The following MACROD2 variants were observed in gnomAD, a reference collection of about 807,000 sequenced individuals.
MACROD2 encodes the protein mono-ADP ribosylhydrolase 2.
In MACROD2, 36 loss-of-function variants were observed where a neutral mutation model predicts 70.4. The ratio of observed to expected loss-of-function variants is 0.51; its 90% CI spans 0.39 to 0.68. The LOEUF (loss-of-function observed/expected upper bound fraction) is 0.68, where lower values mean the gene tolerates loss of function less well. MACROD2 is among the 30% of genes least tolerant of loss of function. The pLI, the probability that MACROD2 is intolerant of heterozygous loss-of-function variation, is 0.00. For synonymous variants in MACROD2, 172 were observed against 178.8 expected, an observed-to-expected ratio of 0.96 and a Z score of 0.30; for missense variants, 496 against 538.4, an observed-to-expected ratio of 0.92 and a Z score of 0.78.
At chr20:15,447,088 C>T (rs62193886) in intron 7 of MACROD2, among the ~76,000 whole-genome samples, 3 of 113,298 alleles carry the variant, frequency 2.6e-5, no homozygotes, top group Non-Finnish European at 5.8e-5. Context: ...GTGTGTGTGT[C>T]TGTGTGTTGT....
At chr20:15,939,422 G>C (rs2065717026) in intron 12 of MACROD2, among the ~76,000 whole-genome samples, 2 of 152,048 alleles carry the variant, frequency 1.3e-5, no homozygotes, top group Admixed American at 1.3e-4. Flanking sequence ...CCCCACCTGT[G>C]CTCTGTAAAT....
intron 6 of MACROD2, among the ~76,000 whole-genome samples, chr20:15,311,868 C>T (rs561498364): frequency 1.3e-5 from 2 of 152,198 alleles, no homozygotes; most frequent in Admixed American, 1.3e-4. Context: ...ATTTGTTTCT[C>T]AAACCTCAGC....
intron 5 of MACROD2, among the ~76,000 whole-genome samples, chr20:14,964,138 A>G (rs148513890): frequency 6.8e-4 from 103 of 152,254 alleles, no homozygotes; most frequent in African/African-American, 2.2e-3. Context: ...AAGAATGTCA[A>G]TGAAATATAA....
At chr20:15,728,569 T>C (rs1380683231) in intron 8 of MACROD2, among the ~76,000 whole-genome samples, 5 of 152,206 alleles carry the variant, frequency 3.3e-5, no homozygotes, top group Non-Finnish European at 5.9e-5. Flanking sequence ...ACTGATTCAA[T>C]TTCAGAAGAC....
At chr20:15,577,225 T>A (rs559629311) in intron 8 of MACROD2, among the ~76,000 whole-genome samples, 2 of 151,918 alleles carry the variant, frequency 1.3e-5, no homozygotes, top group African/African-American at 4.8e-5. Flanking sequence ...AAATTTCAAA[T>A]GTATACCAAA....
chr20:15,525,278 C>T (rs2047706774), intron 8 of MACROD2, among the ~76,000 whole-genome samples: 1 of 150,980 alleles, frequency 6.6e-6, no homozygotes, highest in African/African-American at 2.4e-5. Context: ...ACTAGAATCC[C>T]ACTAAGAGCC....
intron 10 of MACROD2, among the ~76,000 whole-genome samples, chr20:15,894,748 A>G (rs915808598): frequency 3.9e-5 from 6 of 152,252 alleles, no homozygotes; most frequent in African/African-American, 1.4e-4. Context: ...GATCATGGCC[A>G]TCGTAGATTA....
chr20:14,736,992 G>A (rs117255733), intron 5 of MACROD2, among the ~76,000 whole-genome samples: 104 of 151,926 alleles, frequency 6.8e-4, no homozygotes, highest in Non-Finnish European at 1.4e-3. Context: ...TCTGGGACAC[G>A]TGTGCAGAAT....
chr20:14,123,980 A>G (rs907405114), intron 3 of MACROD2, among the ~76,000 whole-genome samples: 7 of 151,992 alleles, frequency 4.6e-5, no homozygotes, highest in Non-Finnish European at 1.0e-4. Context: ...TCTTTCATGT[A>G]TGTTTAATTT....
intron 5 of MACROD2, among the ~76,000 whole-genome samples, chr20:14,869,745 T>C (rs978235426): frequency 6.6e-6 from 1 of 152,192 alleles, no homozygotes; most frequent in African/African-American, 2.4e-5. Flanking sequence ...ATCTGCCATT[T>C]GCATAAATAT....
chr20:15,655,393 T>C (rs1034793360), intron 8 of MACROD2, among the ~76,000 whole-genome samples: 1 of 151,598 alleles, frequency 6.6e-6, no homozygotes, highest in Non-Finnish European at 1.5e-5. Flanking sequence ...GTCAGGACAC[T>C]TGGCAAGATA....
At chr20:14,839,762 CT>C (rs548024641) in intron 5 of MACROD2, among the ~76,000 whole-genome samples, 3 of 152,006 alleles carry the variant, frequency 2.0e-5, no homozygotes, top group Non-Finnish European at 4.4e-5. Flanking sequence ...AGAGAGCCCC[CT>C]CCCCAACTTC....
chr20:15,034,541 G>A lies in MACROD2; in HGVS notation c.419-195399G>A, dbSNP rs558276131. ...GGGTGAGGTGAGGGGATTTATAATAGAAAGTACAAAGTTTAGAAGTGATTT... is the reference window on the plus strand; with the variant it reads ...GGGTGAGGTGAGGGGATTTATAATAAAAAGTACAAAGTTTAGAAGTGATTT... On this transcript the variant is annotated intron_variant, in intron 5 of 17. Transcript: ENST00000684519. 1.5e-3 allele frequency among the ~76,000 whole-genome samples: 230 copies of A among 152,176 alleles called. 1 individual carries two copies. Among genetic ancestry groups the A allele is most frequent in the African/African-American group, 5.3e-3 (222 of 41,532 alleles).
At chr20:15,723,724 C>A (rs981235734) in intron 8 of MACROD2, among the ~76,000 whole-genome samples, 23 of 152,164 alleles carry the variant, frequency 1.5e-4, no homozygotes, top group African/African-American at 5.3e-4. Context: ...CAAGTTTTGG[C>A]AGTTATGAAT....
At chr20:15,785,254 A>T (rs2051905694) in intron 8 of MACROD2, among the ~76,000 whole-genome samples, 1 of 152,234 alleles carries the variant, frequency 6.6e-6, no homozygotes, top group Non-Finnish European at 1.5e-5. Context: ...AGCAGTTAGA[A>T]CACAAGTTCC....
chr20:14,971,452 G>GA (rs950878437), intron 5 of MACROD2, among the ~76,000 whole-genome samples: 7 of 151,740 alleles, frequency 4.6e-5, no homozygotes, highest in Admixed American at 4.6e-4. Context: ...GTAAAGGGAG[G>GA]GGGGGGACTC....
intron 8 of MACROD2, among the ~76,000 whole-genome samples, chr20:15,585,236 C>T (rs539624093): frequency 1.3e-4 from 20 of 148,196 alleles, no homozygotes; most frequent in Non-Finnish European, 1.0e-4. Context: ...CTCGCTCTGT[C>T]GCCCAGGCTG....
chr20:15,709,303 T>C (rs1283799504), intron 8 of MACROD2, among the ~76,000 whole-genome samples: 1 of 152,186 alleles, frequency 6.6e-6, no homozygotes, highest in Admixed American at 6.5e-5. Flanking sequence ...TAGCATTGCT[T>C]TTCTGGGAAA....
At chr20:15,150,748 G>A (rs188592055) in intron 5 of MACROD2, among the ~76,000 whole-genome samples, 14 of 152,060 alleles carry the variant, frequency 9.2e-5, no homozygotes, top group African/African-American at 3.4e-4. Context: ...AGATGTGGCT[G>A]TAGTCCAGGA....
Sources: gnomAD v4.1 joint callset for allele counts (sites outside exome capture counted in the v4.1 genomes callset) on GRCh38, gnomAD v4.1.1 for gene constraint, MANE v1.5 for transcripts, NCBI Gene and HGNC (gene_info 2026-07-23, HGNC 2026-07-21) for gene names.